VPS33B: variants seen among roughly 807,000 people sequenced by gnomAD.
VPS33B encodes the protein VPS33B late endosome and lysosome associated.
A neutral mutation model predicts 95.3 loss-of-function variants in VPS33B; 80 were observed. That is an observed-to-expected ratio of 0.84 (90% confidence interval 0.70 to 1.01). VPS33B has a LOEUF of 1.01. Among genes scored for constraint, VPS33B ranks in the 50% least tolerant of loss-of-function variants. VPS33B has a pLI of 0.00. For synonymous variants in VPS33B, 280 were observed against 280.4 expected (o/e 1.00, Z 0.01); for missense variants, 715 against 773.4 (o/e 0.92, Z 0.90).
In VPS33B at chr15:91,010,016, G is replaced by A. The variant is rs1054380032; in HGVS notation, c.358-170C>T. On this transcript the variant is annotated intron_variant, in intron 5 of 22. Coordinates refer to ENST00000333371, the MANE Select transcript of VPS33B (RefSeq NM_018668.5). This position sits in a 1 kb window ranked among gnomAD's most constrained non-coding sequence, Gnocchi z 5.7. ...AGAACCATTAGAATCATTCAGCCCA[G>A]CACTTCAGTTCTTTCTCATCCATTT... is the stretch of plus-strand genomic sequence containing the variant. Among the ~76,000 whole-genome samples the A allele has an allele frequency of 2.0e-5, 3 of 152,184 alleles. No homozygotes were observed. Among genetic ancestry groups the A allele is most frequent in the African/African-American group, 7.2e-5 (3 of 41,444 alleles).
chr15:91,012,576 T>C (rs1253463133), intron 5 of VPS33B, among the ~76,000 whole-genome samples: 2 of 152,218 alleles, frequency 1.3e-5, no homozygotes. Context: ...TCTAGAATTT[T>C]CTTAGAAAGA....
At chr15:91,021,454 T>A (rs2151688130) in intron 1 of VPS33B, among the ~76,000 whole-genome samples, 1 of 152,346 alleles carries the variant, frequency 6.6e-6, no homozygotes, top group East Asian at 1.9e-4. Flanking sequence ...CAATTTTGTG[T>A]GGGCCTTTAT....
intron 5 of VPS33B, among the ~76,000 whole-genome samples, chr15:91,012,339 G>A (rs1255537710): frequency 1.3e-5 from 2 of 152,096 alleles, no homozygotes; most frequent in Non-Finnish European, 2.9e-5. Context: ...AACAATATAA[G>A]CCTAGGGTCC....
rs1407126602 is a variant in VPS33B at position 91,009,456 on chromosome 15, G to A, written c.403+345C>T. On this transcript the variant is annotated intron_variant, in intron 6 of 22. Transcript: ENST00000333371. This position sits in a 1 kb window ranked among gnomAD's most constrained non-coding sequence, Gnocchi z 4.1. ...CGAGTAGCTGGGATTACAAGCGTGC[G>A]CCATCACGCCCAGCTAATTATTGTA... 1.3e-5 allele frequency among the ~76,000 whole-genome samples: 2 copies of A among 151,824 alleles called. No individual in the cohort carries two copies. Among genetic ancestry groups the A allele is most frequent in the African/African-American group, 2.4e-5 (1 of 41,314 alleles).
chr15:91,008,758 A>G (rs555855073), intron 6 of VPS33B, among the ~76,000 whole-genome samples: 9 of 152,354 alleles, frequency 5.9e-5, no homozygotes, highest in Non-Finnish European at 1.3e-4. Flanking sequence ...GAGGTCAAAC[A>G]GCAAGCTGTG....
rs533924936 is a variant in VPS33B, at chr15:91,001,868, GGTAA to G, written c.1405+178_1405+181del. ...TGAGAAACTAAAGGGCTCAGCACATGGTAAGTGTTTACTATGTGGAAACTGCTCT... is the reference window on the plus strand; with the variant it reads ...TGAGAAACTAAAGGGCTCAGCACATGGTGTTTACTATGTGGAAACTGCTCT... On this transcript the variant is annotated intron_variant, in intron 18 of 22. Coordinates refer to ENST00000333371, the MANE Select transcript of VPS33B (RefSeq NM_018668.5). Among the ~76,000 whole-genome samples the G allele has an allele frequency of 4.6e-5, 7 of 152,278 alleles. No homozygotes were observed. The South Asian group carries it at 1.5e-3, about 32-fold the overall frequency.
chr15:91,008,029 T>A lies in VPS33B; in HGVS notation c.404-65A>T. The A allele has an allele frequency of 2.7e-6, 4 of 1,490,780 alleles. No homozygotes were observed. The South Asian group carries it at 4.5e-5, about 17-fold the overall frequency. 92.3% of individuals were successfully genotyped at this position (1,490,780 alleles called of 1,614,324 possible). On this transcript the variant is annotated intron_variant, in intron 6 of 22. Transcript: ENST00000333371. ...CTTAGCTCCACGTTAAGAGGGAAGG[T>A]CCGCCACAAATATTTGAGTGCGTGC...
rs1264586493 is a variant in VPS33B, at chr15:91,002,741, T to C, written c.1272+344A>G. Among the ~76,000 whole-genome samples, 1 of 151,894 alleles carries C rather than the reference T, an allele frequency of 6.6e-6. No individual in the cohort carries two copies. The highest frequency in any genetic ancestry group is 1.5e-5 in the Non-Finnish European group (1 of 68,010). ...GGATGTATGGGAAAGGCTTCCTGGA[T>C]GAAGTAAGACTTGAGAAGTACCAGG... On this transcript the variant is annotated intron_variant, in intron 17 of 22. Transcript: ENST00000333371. This position sits in a 1 kb window ranked among gnomAD's most constrained non-coding sequence, Gnocchi z 4.7.
Position 91,004,831 on chromosome 15 carries a change from A to G in VPS33B, c.1225+46T>C, listed in dbSNP as rs750665162. The G allele has an allele frequency of 1.6e-5, 26 of 1,607,664 alleles. No homozygotes were observed. In the African/African-American group the frequency reaches 2.0e-4, roughly 12 times the overall value. On this transcript the variant is annotated intron_variant, in intron 16 of 22. Coordinates refer to ENST00000333371, the MANE Select transcript of VPS33B (RefSeq NM_018668.5). ...AAATCACTTCTTCTGTCCCTAAGGC[A>G]TAGTTTCTCAATCTGACATTCTCAT...
chr15:91,022,082 C>T (rs969970297), intron 1 of VPS33B, 72 bp downstream of exon 1: 1 of 1,508,710 alleles, frequency 6.6e-7, no homozygotes, highest in Non-Finnish European at 9.0e-7. Flanking sequence ...CAAAGGGGCA[C>T]GGCAAGGAAG....
In VPS33B at chr15:91,011,341, C is replaced by G. The variant is rs1258583095; in HGVS notation, c.358-1495G>C. 6.6e-6 allele frequency among the ~76,000 whole-genome samples: 1 copy of G among 152,228 alleles called. No individual in the cohort carries two copies. The highest frequency in any genetic ancestry group is 1.5e-5 in the Non-Finnish European group (1 of 68,042). On this transcript the variant is annotated intron_variant, in intron 5 of 22. Transcript: ENST00000333371. This position sits in a 1 kb window ranked among gnomAD's most constrained non-coding sequence, Gnocchi z 5.5. ...ACTTGTCTTCATCTTCATACTAGCT[C>G]TGTGAGATGTAGATCAATGCTACGT...
At position 91,002,904 on chromosome 15, in the gene VPS33B, G is replaced by A. The variant is rs563645276; in HGVS notation, c.1272+181C>T. 6.6e-6 allele frequency among the ~76,000 whole-genome samples: 1 copy of A among 152,294 alleles called. No individual in the cohort carries two copies. The highest frequency in any genetic ancestry group is 1.9e-4 in the East Asian group (1 of 5,180). ...GCCGTCAGTGTGTGGGGTGAAACAAGGGTAGAGGGCAGAGAGGCGTGCTGA... is the reference window on the plus strand; with the variant it reads ...GCCGTCAGTGTGTGGGGTGAAACAAAGGTAGAGGGCAGAGAGGCGTGCTGA... On this transcript the variant is annotated intron_variant, in intron 17 of 22. Transcript: ENST00000333371. The surrounding 1 kb of genome is among the most constrained non-coding windows in gnomAD (Gnocchi z 4.7).
At chr15:91,017,304 C>CTTGAACCCAG (rs1294102908) in intron 2 of VPS33B, among the ~76,000 whole-genome samples, 2 of 138,988 alleles carry the variant, frequency 1.4e-5, no homozygotes, top group Non-Finnish European at 3.1e-5. Flanking sequence ...AGGAGGATCA[C>CTTGAACCCAG]TTGAACCCAG....
Position 91,002,068 on chromosome 15 carries a change from C to G in VPS33B, c.1387G>C (p.Val463Leu). 6.2e-7 allele frequency: 1 copy of G among 1,614,116 alleles called. No homozygotes were observed. The highest frequency in any genetic ancestry group is 1.1e-5 in the South Asian group (1 of 91,074). ...TGCTTACCTGCAGCCTTGTCGGTCA[C>G]CAGCTTGCTCACTTTACTCTCCACG... ...TAVESKVSKL[V>L]TDKAAGKITD... The change falls in exon 18 of 23, where the codon GTG becomes CTG. Residue 463 changes from valine (V) to leucine (L), a missense_variant. Transcript: ENST00000333371. This position sits in a 1 kb window ranked among gnomAD's most constrained non-coding sequence, Gnocchi z 4.7.
rs886896419 is a variant in VPS33B at position 91,002,981 on chromosome 15, G to A, written c.1272+104C>T. The stretch of plus-strand genomic sequence containing the variant: ...GAGGGAGGCCTGAATGGAAACAGGA[G>A]GGTAATGGAGGCAGGAAAGGGGCCA... On this transcript the variant is annotated intron_variant, in intron 17 of 22. Coordinates refer to ENST00000333371, the MANE Select transcript of VPS33B (RefSeq NM_018668.5). The surrounding 1 kb of genome is among the most constrained non-coding windows in gnomAD (Gnocchi z 4.7). The A allele has an allele frequency of 3.2e-6, 4 of 1,238,040 alleles. No homozygotes were observed. The highest frequency in any genetic ancestry group is 4.8e-6 in the Non-Finnish European group (4 of 838,184). 76.7% of individuals were successfully genotyped at this position (1,238,040 alleles called of 1,614,324 possible).
Position 91,007,660 on chromosome 15 carries a change from G to T in VPS33B, c.499-87C>A. The T allele has an allele frequency of 2.1e-6, 3 of 1,439,970 alleles. No homozygotes were observed. Among genetic ancestry groups the T allele is most frequent in the South Asian group, 2.3e-5 (2 of 87,440 alleles). The allele number at this position is 1,439,970 out of a possible 1,614,324, so 89.2% of individuals were successfully genotyped here. ...GCTAGCCCTAGAAGCCCTGGAGCAGGGTGGCAGGGCCTGGGGGATGCTTGA... is the reference window on the plus strand; with the variant it reads ...GCTAGCCCTAGAAGCCCTGGAGCAGTGTGGCAGGGCCTGGGGGATGCTTGA... On this transcript the variant is annotated intron_variant, in intron 7 of 22. Transcript: ENST00000333371. The surrounding 1 kb of genome is among the most constrained non-coding windows in gnomAD (Gnocchi z 5.3).
Position 90,999,621 on chromosome 15 carries a change from C to T in VPS33B, c.1774+56G>A, listed in dbSNP as rs2040374749. On this transcript the variant is annotated intron_variant, in intron 22 of 22. Transcript: ENST00000333371. This position sits in a 1 kb window ranked among gnomAD's most constrained non-coding sequence, Gnocchi z 5.1. ...GGTATGAACCACCGTGCCCAGCTGA[C>T]ACTTTGTTACCCAGATACAATGCAG... The T allele has an allele frequency of 1.9e-6, 3 of 1,584,404 alleles. No individual in the cohort carries two copies. Among genetic ancestry groups the T allele is most frequent in the Non-Finnish European group, 1.7e-6 (2 of 1,154,048 alleles).
At position 90,998,932 on chromosome 15, in the gene VPS33B, G is replaced by T; in HGVS notation, c.*43C>A. 6.8e-6 allele frequency: 11 copies of T among 1,606,918 alleles called. No individual in the cohort carries two copies. The highest frequency in any genetic ancestry group is 9.4e-6 in the Non-Finnish European group (11 of 1,175,060). ...GTGCCAGATGCCTGCATCTCACTGA[G>T]GAATGTGTTCAGGGAAGATGTCAAC... On this transcript the variant is annotated 3_prime_UTR_variant, in exon 23 of 23. Transcript: ENST00000333371. This position sits in a 1 kb window ranked among gnomAD's most constrained non-coding sequence, Gnocchi z 4.8.
At chr15:91,021,797 G>T (rs2151688463) in intron 1 of VPS33B, among the ~76,000 whole-genome samples, 1 of 152,306 alleles carries the variant, frequency 6.6e-6, no homozygotes, top group Middle Eastern at 3.4e-3. Flanking sequence ...GGGTACACTA[G>T]CTCTATCACT....
Sources: allele counts gnomAD v4.1 joint callset (sites outside exome capture counted in the v4.1 genomes callset), GRCh38; gene constraint gnomAD v4.1.1; non-coding constraint Gnocchi (gnomAD v3.1); transcripts MANE v1.5; gene names NCBI Gene and HGNC (gene_info 2026-07-23, HGNC 2026-07-21).